The following KAZN variants were observed in gnomAD, a reference collection of about 807,000 sequenced individuals.
KAZN encodes kazrin.
Under a neutral mutation model 87.4 loss-of-function variants are expected in KAZN, and 40 were observed. The observed-to-expected ratio is 0.46, with a 90% CI of 0.36 to 0.60. The LOEUF (loss-of-function observed/expected upper bound fraction) is 0.60, where lower values mean the gene tolerates loss of function less well. KAZN is among the 20% of genes least tolerant of loss of function. KAZN has a pLI of 0.00. For missense variants in KAZN, 898 were observed against 1,073.9 expected, an observed-to-expected ratio of 0.84 and a Z score of 2.29; for synonymous variants, 466 against 458.3, an observed-to-expected ratio of 1.02 and a Z score of -0.22.
chr1:14,631,771 T>C (rs1679585950), intron 1 of KAZN, among the ~76,000 whole-genome samples: 1 of 152,240 alleles, frequency 6.6e-6, no homozygotes, highest in Non-Finnish European at 1.5e-5. Flanking sequence ...AGGTAGCTGC[T>C]CCCCTCGTGT....
At chr1:14,515,950 T>C (rs895444482) in intron 2 of KAZN, among the ~76,000 whole-genome samples, 3 of 152,170 alleles carry the variant, frequency 2.0e-5, no homozygotes, top group Non-Finnish European at 4.4e-5. Flanking sequence ...CACAAAATCC[T>C]GTGTGCCTTC....
intron 1 of KAZN, among the ~76,000 whole-genome samples, chr1:14,723,916 A>G (rs915897237): frequency 5.3e-5 from 8 of 152,178 alleles, no homozygotes; most frequent in African/African-American, 1.7e-4. Context: ...CCCTGCCCTC[A>G]TGAAGTTTCT....
rs547965102 is a variant in KAZN, at chr1:15,012,765, T to C, written c.419-21984T>C. On this transcript the variant is annotated intron_variant, in intron 2 of 14. Coordinates refer to ENST00000376030, the MANE Select transcript of KAZN (RefSeq NM_201628.3). ...GGCAAAACCCTGTCTCTACTAAAAA[T>C]ACAAAAATTAGCCGGGCGTGGTGGT... 5.1e-3 allele frequency among the ~76,000 whole-genome samples: 781 copies of C among 152,006 alleles called. 9 individuals carry two copies. Among genetic ancestry groups the C allele is most frequent in the African/African-American group, 0.018 (740 of 41,436 alleles).
intron 1 of KAZN, among the ~76,000 whole-genome samples, chr1:14,678,270 G>A (rs1640355354): frequency 6.6e-6 from 1 of 152,190 alleles, no homozygotes; most frequent in Non-Finnish European, 1.5e-5. Context: ...GGAAGAAGCT[G>A]ACTTGCTGAG....
chr1:14,455,840 C>CT (rs1474707826), intron 2 of KAZN, among the ~76,000 whole-genome samples: 6 of 152,124 alleles, frequency 3.9e-5, no homozygotes, highest in Non-Finnish European at 7.3e-5. Context: ...GGGAGTTTGA[C>CT]TGTGAATGCA....
At chr1:14,378,836 G>A (rs569336794) in intron 2 of KAZN, among the ~76,000 whole-genome samples, 25 of 152,098 alleles carry the variant, frequency 1.6e-4, no homozygotes, top group Admixed American at 5.2e-4. Flanking sequence ...GAAACTCCTA[G>A]GTAAGTCCTT....
At chr1:13,895,305 C>T (rs930359365) in intron 1 of KAZN, among the ~76,000 whole-genome samples, 10 of 152,098 alleles carry the variant, frequency 6.6e-5, no homozygotes, top group Non-Finnish European at 1.0e-4. Flanking sequence ...AGAAGCTTTC[C>T]TGGACTGAGG....
chr1:14,145,342 G>A lies in KAZN; in HGVS notation c.92-35093G>A, dbSNP rs563629628. Among the ~76,000 whole-genome samples the A allele has an allele frequency of 3.9e-5, 6 of 152,168 alleles. No individual in the cohort carries two copies. In the South Asian group the frequency reaches 1.2e-3, roughly 32 times the overall value. On this transcript the variant is annotated intron_variant, in intron 1 of 16. Transcript: ENST00000636203. ...TTCCTGTAGTCCCAGCTCTCAGGAG[G>A]CTGAGGTGGGAGGATCGCTTGAGTC...
chr1:15,113,403 G>GA (rs1641724656), intron 14 of KAZN: 2 of 152,096 alleles, frequency 1.3e-5, no homozygotes, highest in South Asian at 2.1e-4. Context: ...GTGCAATTAG[G>GA]AAAAAACTGT....
At chr1:14,411,493 G>C (rs1459985679) in intron 2 of KAZN, among the ~76,000 whole-genome samples, 1 of 152,150 alleles carries the variant, frequency 6.6e-6, no homozygotes, top group East Asian at 1.9e-4. Flanking sequence ...ATGGGGTTTT[G>C]CCATGTTGGC....
chr1:14,420,214 AC>A, intron 2 of KAZN, among the ~76,000 whole-genome samples: 1 of 152,162 alleles, frequency 6.6e-6, no homozygotes, highest in African/African-American at 2.4e-5. Context: ...TGAGCTAGAC[AC>A]AGAGTGCTGA....
intron 2 of KAZN, among the ~76,000 whole-genome samples, chr1:14,228,169 G>C (rs1362000848): frequency 2.6e-5 from 4 of 152,094 alleles, no homozygotes; most frequent in African/African-American, 9.7e-5. Flanking sequence ...TGATGATGAT[G>C]ATGTTGTTGA....
chr1:15,073,923 G>A (rs1329432393), intron 8 of KAZN, among the ~76,000 whole-genome samples: 2 of 152,208 alleles, frequency 1.3e-5, no homozygotes, highest in Admixed American at 6.5e-5. Context: ...TGCTACAGAG[G>A]GGCCTGCAGG....
intron 1 of KAZN, among the ~76,000 whole-genome samples, chr1:13,971,989 A>T (rs1642154166): frequency 6.6e-6 from 1 of 152,150 alleles, no homozygotes; most frequent in African/African-American, 2.4e-5. Context: ...CAGAACCATG[A>T]GCCAGTTAAA....
In KAZN at chr1:14,769,141, C is replaced by T. The variant is rs1256808249; in HGVS notation, c.226+169918C>T. Among the ~76,000 whole-genome samples the T allele has an allele frequency of 6.6e-6, 1 of 152,196 alleles. No individual in the cohort carries two copies. The highest frequency in any genetic ancestry group is 2.4e-5 in the African/African-American group (1 of 41,454). ...TCACAGTGGTTGGAGCCAAGCCCATCAAGGCCAGCAGCAGGAAGCAGAGCA... is the reference window on the plus strand; with the variant it reads ...TCACAGTGGTTGGAGCCAAGCCCATTAAGGCCAGCAGCAGGAAGCAGAGCA... On this transcript the variant is annotated intron_variant, in intron 1 of 14. Transcript: ENST00000376030. This position sits in a 1 kb window ranked among gnomAD's most constrained non-coding sequence, Gnocchi z 4.1.
At position 14,599,210 on chromosome 1, in the gene KAZN, G is replaced by T; in HGVS notation, c.213G>T (p.Gln71His). 7.1e-7 allele frequency: 1 copy of T among 1,400,214 alleles called. No individual in the cohort carries two copies. The highest frequency in any genetic ancestry group is 1.8e-5 in the South Asian group (1 of 55,362). The allele number at this position is 1,400,214 out of a possible 1,614,324, so 86.7% of individuals were successfully genotyped here. A position where few individuals can be genotyped will look rare whatever the true frequency, so the allele number is the denominator to read the frequency against. ...CGGCGACGAACATGGAGAACCCCCA[G>T]CTTGGAGCGCAAGGTAGGATCGCCC... The part of the protein sequence containing the change: ...DSAATNMENP[Q>H]LGAQVLLREE... Residue 71 changes from glutamine (Q) to histidine (H), a missense_variant, in exon 1 of 15, where the codon CAG (glutamine) becomes CAT (histidine). By Grantham distance (24) the Gln-to-His change is conservative. Coordinates refer to ENST00000376030, the MANE Select transcript of KAZN (RefSeq NM_201628.3). The surrounding 1 kb of genome is among the most constrained non-coding windows in gnomAD (Gnocchi z 4.4).
chr1:13,956,778 A>G (rs1641567403), intron 1 of KAZN, among the ~76,000 whole-genome samples: 1 of 152,206 alleles, frequency 6.6e-6, no homozygotes, highest in Non-Finnish European at 1.5e-5. Flanking sequence ...AAGGATGTAT[A>G]GAGAAGATGT....
intron 2 of KAZN, among the ~76,000 whole-genome samples, chr1:14,243,476 C>T (rs573468441): frequency 1.2e-4 from 19 of 152,234 alleles, no homozygotes; most frequent in Non-Finnish European, 2.5e-4. Context: ...TGGCGATGGT[C>T]GGTTTTGGTT....
intron 1 of KAZN, among the ~76,000 whole-genome samples, chr1:14,113,283 A>G (rs1254627045): frequency 6.6e-6 from 1 of 152,212 alleles, no homozygotes; most frequent in African/African-American, 2.4e-5. Context: ...CTGGCAGAGA[A>G]CAGAGATGTT....
Sources: gnomAD v4.1 joint callset for allele counts (sites outside exome capture counted in the v4.1 genomes callset) on GRCh38, gnomAD v4.1.1 for gene constraint, Gnocchi (gnomAD v3.1) non-coding constraint, MANE v1.5 for transcripts, NCBI Gene and HGNC (gene_info 2026-07-23, HGNC 2026-07-21) for gene names.